Variants in ZER1 observed in about 807,000 individuals in gnomAD.
The protein encoded by ZER1 is protein zer-1 homolog.
A neutral mutation model predicts 78.8 loss-of-function variants in ZER1; 11 were observed. The observed-to-expected ratio is 0.14, with a 90% CI of 0.09 to 0.23. The LOEUF (loss-of-function observed/expected upper bound fraction) is 0.23, where lower values mean the gene tolerates loss of function less well. Among genes scored for constraint, ZER1 ranks in the 10% least tolerant of loss-of-function variants. The pLI, the probability that ZER1 is intolerant of heterozygous loss-of-function variation, is 1.00. For missense variants in ZER1, 588 were observed against 996.9 expected, an observed-to-expected ratio of 0.59 and a Z score of 5.52; for synonymous variants, 400 against 407.0, an observed-to-expected ratio of 0.98 and a Z score of 0.21.
In ZER1 at chr9:128,751,517, A is replaced by G; in HGVS notation, c.934T>C (p.Ser312Pro). The change falls in exon 6 of 16, where the codon TCC becomes CCC. Residue 312 changes from serine to proline, a missense_variant. Physicochemically the swap from Ser to Pro is moderately conservative, Grantham distance 74. Transcript: ENST00000291900. The surrounding 1 kb of genome is among the most constrained non-coding windows in gnomAD (Gnocchi z 5.4). The stretch of plus-strand genomic sequence containing the variant: ...CGGAAAGGTATGATGCTGCTCTTGG[A>G]AGGCTCAATGCTGGGGAAAGAGGGT... ...EEAGQTSIEP[S>P]KSSIIPFRAL... is the part of the protein sequence containing the mutation. The G allele has an allele frequency of 6.2e-7, 1 of 1,613,338 alleles. No individual in the cohort carries two copies. Among genetic ancestry groups the G allele is most frequent in the Non-Finnish European group, 8.5e-7 (1 of 1,179,996 alleles).
In ZER1 at chr9:128,753,069, G is replaced by A. The variant is rs759728470; in HGVS notation, c.746+95C>T. On this transcript the variant is annotated intron_variant, in intron 4 of 15. Coordinates refer to ENST00000291900, the MANE Select transcript of ZER1 (RefSeq NM_006336.4). The surrounding 1 kb of genome is among the most constrained non-coding windows in gnomAD (Gnocchi z 7.5). The stretch of plus-strand genomic sequence containing the variant: ...ATCCCCACCCTCTGCCTAGCCAAGC[G>A]CTCCTGAACCCTGAGGGCGTGACAA... 4.8e-5 allele frequency: 63 copies of A among 1,319,352 alleles called. No individual in the cohort carries two copies. Among genetic ancestry groups the A allele is most frequent in the Admixed American group, 5.5e-5 (2 of 36,326 alleles). The allele number at this position is 1,319,352 out of a possible 1,614,324, so 81.7% of individuals were successfully genotyped here.
At chr9:128,761,082 C>T (rs1399274353) in intron 1 of ZER1, among the ~76,000 whole-genome samples, 2 of 138,664 alleles carry the variant, frequency 1.4e-5, no homozygotes, top group African/African-American at 5.3e-5. Flanking sequence ...GGTGTGAACC[C>T]GGGAGGCGGA....
At chr9:128,733,773 G>A (rs1003261984) in intron 14 of ZER1, among the ~76,000 whole-genome samples, 4 of 147,486 alleles carry the variant, frequency 2.7e-5, no homozygotes, top group African/African-American at 1.0e-4. Flanking sequence ...TATTTCCAGA[G>A]CTCATTCTTT....
chr9:128,731,220 C>T lies in ZER1; in HGVS notation c.*117G>A. On this transcript the variant is annotated 3_prime_UTR_variant, in exon 16 of 16. Transcript: ENST00000291900. Reference sequence around the variant, plus strand: ...AAGCGTCGGTTGTGCAAAAGTCCCCCATGTCTCTTCACTCCGTGGGAGGCT... The same window carrying T: ...AAGCGTCGGTTGTGCAAAAGTCCCCTATGTCTCTTCACTCCGTGGGAGGCT... 1.3e-6 allele frequency: 1 copy of T among 760,310 alleles called. No homozygotes were observed. Among genetic ancestry groups the T allele is most frequent in the Non-Finnish European group, 2.1e-6 (1 of 479,426 alleles). The allele number at this position is 760,310 out of a possible 1,614,324, so 47.1% of individuals were successfully genotyped here. A position where few individuals can be genotyped will look rare whatever the true frequency, so the allele number is the denominator to read the frequency against.
At chr9:128,760,792 G>A (rs1382632840) in intron 1 of ZER1, among the ~76,000 whole-genome samples, 3 of 145,022 alleles carry the variant, frequency 2.1e-5, no homozygotes, top group South Asian at 2.3e-4. Context: ...CCAGCCTGGC[G>A]ACACAGCGAG....
chr9:128,746,090 TC>T lies in ZER1; in HGVS notation c.1360-3346del, dbSNP rs2132426676. On this transcript the variant is annotated intron_variant, in intron 8 of 15. Transcript: ENST00000291900. ...CCTTGCCTCAAGTGATCCATCTGCC[TC>T]AGCCTCCCAAAGTGTGAGGATTACA... is the stretch of plus-strand genomic sequence containing the variant. The T allele has an allele frequency of 1.3e-5, 2 of 152,310 alleles. 1 individual carries two copies. The highest frequency in any genetic ancestry group is 4.1e-4 in the South Asian group (2 of 4,828). 9.4% of individuals were successfully genotyped at this position (152,310 alleles called of 1,614,324 possible). A position where few individuals can be genotyped will look rare whatever the true frequency, so the allele number is the denominator to read the frequency against.
At chr9:128,742,384 G>T in intron 9 of ZER1, 146 bp downstream of exon 9, 1 of 907,844 alleles carries the variant, frequency 1.1e-6, no homozygotes, top group Non-Finnish European at 1.7e-6. Flanking sequence ...TCTTCCTTTG[G>T]TCTAGCCTAA....
intron 14 of ZER1, among the ~76,000 whole-genome samples, chr9:128,734,646 T>G (rs1355720226): frequency 1.3e-5 from 2 of 152,060 alleles, no homozygotes; most frequent in Non-Finnish European, 1.5e-5. Context: ...CAGCGCTCAT[T>G]CTATGGAAGA....
intron 14 of ZER1, among the ~76,000 whole-genome samples, chr9:128,734,144 A>AAAAATATATATATATATATATATATATAT: frequency 6.9e-5 from 1 of 14,424 alleles, no homozygotes; most frequent in Non-Finnish European, 1.4e-4. Context: ...AAAAAAAAAA[A>AAAAATATATATATATATATATATATATAT]ATATATATAT....
rs192362245 is a variant in ZER1, at chr9:128,761,883, C to T, written c.-94-6224G>A. On this transcript the variant is annotated intron_variant, in intron 1 of 15. Transcript: ENST00000291900. Reference sequence around the variant, plus strand: ...CCTCCCAAAATGTTGGGATTACAGGCGTGAGCCACCGCGCCCGGCTGACCC... The same window carrying T: ...CCTCCCAAAATGTTGGGATTACAGGTGTGAGCCACCGCGCCCGGCTGACCC... 2.5e-3 allele frequency among the ~76,000 whole-genome samples: 386 copies of T among 152,240 alleles called. 5 individuals are homozygous for T. The highest frequency in any genetic ancestry group is 4.6e-3 in the East Asian group (24 of 5,174).
At position 128,754,865 on chromosome 9, in the gene ZER1, T is replaced by C. The variant is rs1357609014; in HGVS notation, c.158+543A>G. ...GATTGAACTCCCAGCATTCAGTGAC[T>C]GCATAGCATGCTTCTAGGAGCCCCT... is the stretch of plus-strand genomic sequence containing the variant. On this transcript the variant is annotated intron_variant, in intron 2 of 15. Coordinates refer to ENST00000291900, the MANE Select transcript of ZER1 (RefSeq NM_006336.4). The surrounding 1 kb of genome is among the most constrained non-coding windows in gnomAD (Gnocchi z 4.3). Among the ~76,000 whole-genome samples the C allele has an allele frequency of 2.6e-5, 4 of 152,158 alleles. No homozygotes were observed. The highest frequency in any genetic ancestry group is 2.0e-4 in the Admixed American group (3 of 15,262).
At chr9:128,757,266 C>T (rs1336986942) in intron 1 of ZER1, among the ~76,000 whole-genome samples, 1 of 152,162 alleles carries the variant, frequency 6.6e-6, no homozygotes, top group Non-Finnish European at 1.5e-5. Context: ...AGCCTGTAAT[C>T]CCAGCACTTT....
chr9:128,736,186 G>A (rs1395683730), intron 13 of ZER1, among the ~76,000 whole-genome samples: 20 of 152,002 alleles, frequency 1.3e-4, no homozygotes, highest in African/African-American at 4.8e-4. Flanking sequence ...TCCTGACCTC[G>A]TGATCCACCC....
rs1862782816 is a variant in ZER1 at position 128,730,627 on chromosome 9, C to A, written c.*710G>T. ...CCACAGCCTGGGACCTGGTGGGAGA[C>A]TAGGAGGCAGCCTCCATAGCAGCGT... is the stretch of plus-strand genomic sequence containing the variant. On this transcript the variant is annotated 3_prime_UTR_variant, in exon 16 of 16. Coordinates refer to ENST00000291900, the MANE Select transcript of ZER1 (RefSeq NM_006336.4). 6.5e-6 allele frequency: 1 copy of A among 152,772 alleles called. No homozygotes were observed. The highest frequency in any genetic ancestry group is 2.1e-4 in the South Asian group (1 of 4,838). The allele number at this position is 152,772 out of a possible 1,614,324, so 9.5% of individuals were successfully genotyped here.
intron 8 of ZER1, among the ~76,000 whole-genome samples, chr9:128,746,631 TAAAAAA>T (rs987139630): frequency 1.3e-5 from 2 of 151,156 alleles, no homozygotes; most frequent in Non-Finnish European, 3.0e-5. Context: ...CCCAGCTAAT[TAAAAAA>T]AAATTTTTTT....
chr9:128,733,101 G>A, intron 15 of ZER1: 1 of 231,130 alleles, frequency 4.3e-6, no homozygotes, highest in Non-Finnish European at 8.6e-6. Context: ...AATGTCTTTG[G>A]CCAAAAATAA....
At position 128,735,347 on chromosome 9, in the gene ZER1, G is replaced by A. The variant is rs1217863421; in HGVS notation, c.2127C>T (p.Leu709=). The change falls in exon 14 of 16, where the codon CTC becomes CTT. Residue 709 remains leucine (L), a synonymous_variant. Transcript: ENST00000291900. ...GTTGGCACTCACGGTAGACAGACACGAGGTTATACAGGGCCCAGGTTGCCC... is the reference window on the plus strand; with the variant it reads ...GTTGGCACTCACGGTAGACAGACACAAGGTTATACAGGGCCCAGGTTGCCC... ...QHWATWALYN[L]VSVYPDKYCP... is the part of the protein sequence containing the mutation. The A allele has an allele frequency of 9.3e-6, 15 of 1,613,486 alleles. No homozygotes were observed. The highest frequency in any genetic ancestry group is 5.0e-5 in the Admixed American group (3 of 59,866).
At position 128,735,249 on chromosome 9, in the gene ZER1, C is replaced by A. The variant is rs1863025546; in HGVS notation, c.2140+85G>T. 7 of 1,234,608 alleles carry A rather than the reference C, an allele frequency of 5.7e-6. No individual in the cohort carries two copies. In the South Asian group the frequency reaches 6.0e-5, roughly 11 times the overall value. 76.5% of individuals were successfully genotyped at this position (1,234,608 alleles called of 1,614,324 possible). A position where few individuals can be genotyped will look rare whatever the true frequency, so the allele number is the denominator to read the frequency against. On this transcript the variant is annotated intron_variant, in intron 14 of 15. Transcript: ENST00000291900. ...CAAAAGCTGACAGCAGCAATTAATGCCCCCCTCCTGGACTACAAACTCCCT... is the reference window on the plus strand; with the variant it reads ...CAAAAGCTGACAGCAGCAATTAATGACCCCCTCCTGGACTACAAACTCCCT...
chr9:128,752,369 G>A (rs991152909), intron 5 of ZER1, among the ~76,000 whole-genome samples: 3 of 151,456 alleles, frequency 2.0e-5, no homozygotes, highest in Non-Finnish European at 2.9e-5. Flanking sequence ...TTGTTGCCTA[G>A]GCTGGAGTGC....
Sources: allele counts gnomAD v4.1 joint callset (sites outside exome capture counted in the v4.1 genomes callset), GRCh38; gene constraint gnomAD v4.1.1; non-coding constraint Gnocchi (gnomAD v3.1); transcripts MANE v1.5; gene names NCBI Gene and HGNC (gene_info 2026-07-23, HGNC 2026-07-21).